Variants in DNAH1 observed in about 807,000 individuals in gnomAD.
The protein encoded by DNAH1 is dynein axonemal heavy chain 1, also known as axonemal beta dynein heavy chain 1.
In DNAH1, 327 loss-of-function variants were observed where a neutral mutation model predicts 484.3. That is an observed-to-expected ratio of 0.68 (90% CI 0.62 to 0.74). The LOEUF is 0.74. Ranked by LOEUF, DNAH1 falls within the 30% of genes least tolerant of loss-of-function variation. DNAH1 has a pLI of 0.00. For missense variants in DNAH1, 5,052 were observed against 5,546.8 expected (o/e 0.91, Z 2.83); for synonymous variants, 2,192 against 2,191.9 (o/e 1.00, Z 0.00).
chr3:52,368,054 A>C lies in DNAH1; in HGVS notation c.5766-687A>C, dbSNP rs971992174. Among the ~76,000 whole-genome samples the C allele has an allele frequency of 6.6e-6, 1 of 152,114 alleles. No individual in the cohort carries two copies. Among genetic ancestry groups the C allele is most frequent in the South Asian group, 2.1e-4 (1 of 4,826 alleles). The stretch of plus-strand genomic sequence containing the variant: ...CATCAGTGGGTGGAAAATCCAGAGG[A>C]AACATCAGTGGTGAGGGGGATTCTG... On this transcript the variant is annotated intron_variant, in intron 36 of 77. Transcript: ENST00000420323. The surrounding 1 kb of genome is among the most constrained non-coding windows in gnomAD (Gnocchi z 4.4).
In DNAH1 at chr3:52,380,138, G is replaced by A. The variant is rs1010131291; in HGVS notation, c.7608+3G>A. 1 of 1,582,742 alleles carries A rather than the reference G, an allele frequency of 6.3e-7. No individual in the cohort carries two copies. Among genetic ancestry groups the A allele is most frequent in the African/African-American group, 1.3e-5 (1 of 74,114 alleles). ...AGCTCATCACCAGTGAGAGTAAGGT[G>A]AGGGGCCCAGGCAGGCGCCCTGCCC... On this transcript the variant is annotated splice_donor_region_variant and intron_variant, in intron 48 of 77. Transcript: ENST00000420323.
At position 52,396,734 on chromosome 3, in the gene DNAH1, T is replaced by C. The variant is rs764135028; in HGVS notation, c.11547T>C (p.Asp3849=). The C allele has an allele frequency of 6.2e-7, 1 of 1,613,658 alleles. No individual in the cohort carries two copies. Among genetic ancestry groups the C allele is most frequent in the Non-Finnish European group, 8.5e-7 (1 of 1,179,856 alleles). Residue 3849 remains aspartate, a synonymous_variant, in exon 72 of 78, where the codon GAT becomes GAC. Transcript: ENST00000420323. ...FNIPYEFTDG[D]LRICISQLKM... ...TCCCCTATGAGTTCACGGATGGAGATCTGCGCATCTGCATCAGCCAGCTCA... is the reference window on the plus strand; with the variant it reads ...TCCCCTATGAGTTCACGGATGGAGACCTGCGCATCTGCATCAGCCAGCTCA...
chr3:52,353,349 G>C lies in DNAH1; in HGVS notation c.3227-31G>C. 7 of 1,608,316 alleles carry C rather than the reference G, an allele frequency of 4.4e-6. No individual in the cohort carries two copies. The highest frequency in any genetic ancestry group is 6.0e-6 in the Non-Finnish European group (7 of 1,175,842). On this transcript the variant is annotated intron_variant, in intron 19 of 77. Transcript: ENST00000420323. The surrounding 1 kb of genome is among the most constrained non-coding windows in gnomAD (Gnocchi z 5.0). The stretch of plus-strand genomic sequence containing the variant: ...CCCCTCCTCCCTGCCTCTGCCGCCT[G>C]CCTCTCATGCGTTTCTGTCTTACCC...
At position 52,361,311 on chromosome 3, in the gene DNAH1, C is replaced by T. The variant is rs373943792; in HGVS notation, c.4833C>T (p.Leu1611=). 1.7e-5 allele frequency: 28 copies of T among 1,604,576 alleles called. No individual in the cohort carries two copies. Among genetic ancestry groups the T allele is most frequent in the Admixed American group, 6.8e-5 (4 of 58,538 alleles). The change falls in exon 29 of 78, where the codon CTC becomes CTT. Residue 1611 remains leucine (L), a synonymous_variant. Transcript: ENST00000420323. This position sits in a 1 kb window ranked among gnomAD's most constrained non-coding sequence, Gnocchi z 5.6. The stretch of plus-strand genomic sequence containing the variant: ...TTGTGTTCAACTGCTCTGACCAGCT[C>T]GACTTCATGGCCATGGGCAAGTTCT... The part of the protein sequence containing the change: ...QTVVFNCSDQ[L]DFMAMGKFFK...
chr3:52,370,735 A>G lies in DNAH1; in HGVS notation c.6435A>G (p.Pro2145=), dbSNP rs372202417. 1.6e-4 allele frequency: 252 copies of G among 1,604,484 alleles called. 1 individual carries two copies. In the African/African-American group the frequency reaches 3.0e-3, roughly 19 times the overall value. The change falls in exon 41 of 78, where the codon CCA becomes CCG. Residue 2145 remains proline (P), a synonymous_variant. Transcript: ENST00000420323. The stretch of plus-strand genomic sequence containing the variant: ...CCCGGCAGCTGACTCTGCTTTTCCC[A>G]GAAGAGGGGCTGGTGTTCGATTACA... ...MENEQLTLLF[P]EEGLVFDYRL...
Position 52,370,702 on chromosome 3 carries a change from TC to T in DNAH1, c.6418-14del. 2 of 1,597,628 alleles carry T rather than the reference TC, an allele frequency of 1.3e-6. No individual in the cohort carries two copies. Among genetic ancestry groups the T allele is most frequent in the East Asian group, 4.5e-5 (2 of 44,214 alleles). Reference sequence around the variant, plus strand: ...ACTGGGCCTCACAGCCTGCTTCTCCTCCTGGTTCCCGGCAGCTGACTCTGCT... The same window carrying T: ...ACTGGGCCTCACAGCCTGCTTCTCCTCTGGTTCCCGGCAGCTGACTCTGCT... On this transcript the variant is annotated splice_polypyrimidine_tract_variant and intron_variant, in intron 40 of 77. Coordinates refer to ENST00000420323, the MANE Select transcript of DNAH1 (RefSeq NM_015512.5).
Position 52,379,819 on chromosome 3 carries a change from G to C in DNAH1, c.7378-86G>C. The C allele has an allele frequency of 8.1e-7, 1 of 1,239,650 alleles. No homozygotes were observed. The highest frequency in any genetic ancestry group is 1.1e-6 in the Non-Finnish European group (1 of 899,782). 76.8% of individuals were successfully genotyped at this position (1,239,650 alleles called of 1,614,324 possible). Reference sequence around the variant, plus strand: ...GCTCCAGTCAGGGCCCCAGGAACTGGGGCCCACCCTCCCTTGCCTGGTGGT... The same window carrying C: ...GCTCCAGTCAGGGCCCCAGGAACTGCGGCCCACCCTCCCTTGCCTGGTGGT... On this transcript the variant is annotated intron_variant, in intron 47 of 77. Coordinates refer to ENST00000420323, the MANE Select transcript of DNAH1 (RefSeq NM_015512.5). The surrounding 1 kb of genome is among the most constrained non-coding windows in gnomAD (Gnocchi z 4.4).
intron 26 of DNAH1, 39 bp downstream of exon 26, chr3:52,359,425 C>T (rs753810227): frequency 1.3e-6 from 2 of 1,556,144 alleles, no homozygotes; most frequent in Non-Finnish European, 8.7e-7. Flanking sequence ...CCCCTCCACC[C>T]CCTACATGGC....
At chr3:52,398,262 A>G (rs1305050502) in intron 75 of DNAH1, 100 bp downstream of exon 75, 3 of 1,405,184 alleles carry the variant, frequency 2.1e-6, no homozygotes, top group Non-Finnish European at 2.8e-6. Flanking sequence ...GCCAAGTGCT[A>G]CACATCCTCT....
chr3:52,345,095 C>T (rs1231615904), intron 9 of DNAH1, among the ~76,000 whole-genome samples: 11 of 152,230 alleles, frequency 7.2e-5, no homozygotes, highest in Admixed American at 4.6e-4. Flanking sequence ...ACTCCGGATG[C>T]AGGCTGGGGT....
At chr3:52,375,887 C>A (rs1012049116) in intron 45 of DNAH1, 68 bp from the exon 46 acceptor site, 1 of 1,586,038 alleles carries the variant, frequency 6.3e-7, no homozygotes, top group Non-Finnish European at 8.6e-7. Context: ...CACCATCTCA[C>A]CTGGCCAGGG....
In DNAH1 at chr3:52,392,978, G is replaced by C; in HGVS notation, c.10427G>C (p.Trp3476Ser). The change falls in exon 65 of 78, where the codon TGG (tryptophan) becomes TCG (serine). Residue 3476 changes from tryptophan to serine, a missense_variant. By Grantham distance (177) the Trp-to-Ser change is radical (BLOSUM62 -3). Coordinates refer to ENST00000420323, the MANE Select transcript of DNAH1 (RefSeq NM_015512.5). ...CCCATGTACCAGTACTCCCTTGAGT[G>C]GTTTCTCAACATCTTCCTCTCGGGC... is the stretch of plus-strand genomic sequence containing the variant. Reference protein sequence around the residue: ...VDPMYQYSLEWFLNIFLSGIA... With the variant: ...VDPMYQYSLESFLNIFLSGIA... The C allele has an allele frequency of 6.2e-7, 1 of 1,613,690 alleles. No individual in the cohort carries two copies. Among genetic ancestry groups the C allele is most frequent in the South Asian group, 1.1e-5 (1 of 91,060 alleles).
Position 52,399,047 on chromosome 3 carries a change from G to C in DNAH1, c.12287G>C (p.Arg4096Pro). The C allele has an allele frequency of 6.2e-7, 1 of 1,614,036 alleles. No individual in the cohort carries two copies. The highest frequency in any genetic ancestry group is 8.5e-7 in the Non-Finnish European group (1 of 1,179,898). Residue 4096 changes from arginine to proline, a missense_variant, in exon 76 of 78, where the codon CGC (arginine) becomes CCC (proline). Around this residue, in one of 4 missense-constraint regions of DNAH1, gnomAD observed 853 missense variants for 899.0 expected, o/e 0.95. Coordinates refer to ENST00000420323, the MANE Select transcript of DNAH1 (RefSeq NM_015512.5). ...LSSWVMDLLQRLDFLQAWIQD... is the reference protein window; with the variant it reads ...LSSWVMDLLQPLDFLQAWIQD... Reference sequence around the variant, plus strand: ...TCATGGGTCATGGACCTGCTGCAACGCCTGGACTTTCTGCAGGCCTGGATC... The same window carrying C: ...TCATGGGTCATGGACCTGCTGCAACCCCTGGACTTTCTGCAGGCCTGGATC...
intron 8 of DNAH1, among the ~76,000 whole-genome samples, chr3:52,335,605 G>C (rs1479554741): frequency 1.3e-5 from 2 of 151,698 alleles, no homozygotes; most frequent in Admixed American, 1.3e-4. Context: ...CACCGCACCC[G>C]GCCCTTTTGC....
In DNAH1 at chr3:52,397,112, C is replaced by A. The variant is rs1370771340; in HGVS notation, c.11787+68C>A. On this transcript the variant is annotated intron_variant, in intron 73 of 77. Transcript: ENST00000420323. ...CTGGGGTTCTGGGGTACCATGAGCA[C>A]CTTGGTGCTGGGTGGGAGGAGATGC... The A allele has an allele frequency of 1.3e-5, 19 of 1,432,686 alleles. No homozygotes were observed. In the Admixed American group the frequency reaches 4.4e-4, roughly 33 times the overall value. The allele number at this position is 1,432,686 out of a possible 1,614,324, so 88.7% of individuals were successfully genotyped here.
At position 52,364,410 on chromosome 3, in the gene DNAH1, G is replaced by A. The variant is rs999123641; in HGVS notation, c.5245-228G>A. ...GACCAAAGGATGCAGAATGGGTATC[G>A]GATAAAGGAGGGGGCTATCGGGACA... On this transcript the variant is annotated intron_variant, in intron 32 of 77. Transcript: ENST00000420323. The surrounding 1 kb of genome is among the most constrained non-coding windows in gnomAD (Gnocchi z 4.2). 3.9e-5 allele frequency among the ~76,000 whole-genome samples: 6 copies of A among 152,214 alleles called. No individual in the cohort carries two copies. The highest frequency in any genetic ancestry group is 5.9e-5 in the Non-Finnish European group (4 of 68,038).
At chr3:52,337,133 A>G (rs533754157) in intron 8 of DNAH1, among the ~76,000 whole-genome samples, 10 of 152,222 alleles carry the variant, frequency 6.6e-5, no homozygotes, top group Admixed American at 3.3e-4. Context: ...TCTTCTAGAG[A>G]TCATTTACCT....
chr3:52,364,794 G>A lies in DNAH1; in HGVS notation c.5332-39G>A. On this transcript the variant is annotated intron_variant, in intron 33 of 77. Transcript: ENST00000420323. The surrounding 1 kb of genome is among the most constrained non-coding windows in gnomAD (Gnocchi z 4.2). Reference sequence around the variant, plus strand: ...GCTCCTGGGCAGCTGGAGGGCAGCTGGCCCACTGCCCTGAAGGCTCAGCCG... The same window carrying A: ...GCTCCTGGGCAGCTGGAGGGCAGCTAGCCCACTGCCCTGAAGGCTCAGCCG... The A allele has an allele frequency of 1.2e-6, 2 of 1,608,146 alleles. No individual in the cohort carries two copies. The highest frequency in any genetic ancestry group is 8.5e-7 in the Non-Finnish European group (1 of 1,175,890).
At chr3:52,348,477 A>G (rs1702234789) in intron 12 of DNAH1, among the ~76,000 whole-genome samples, 3 of 152,158 alleles carry the variant, frequency 2.0e-5, no homozygotes, top group Admixed American at 1.3e-4. Flanking sequence ...GCCACTGCAC[A>G]CACACCCAGC....
Sources: allele counts gnomAD v4.1 joint callset (sites outside exome capture counted in the v4.1 genomes callset), GRCh38; gene constraint gnomAD v4.1.1; regional missense constraint gnomAD v4.1.1; non-coding constraint Gnocchi (gnomAD v3.1); transcripts MANE v1.5; gene names NCBI Gene and HGNC (gene_info 2026-07-23, HGNC 2026-07-21).